Variants in PHB1 observed in about 807,000 individuals in gnomAD.
PHB1 encodes epididymis luminal protein 215.
chr17:49,411,779 A>G, the PHB1 span: 1 of 1,614,044 alleles, frequency 6.2e-7, no homozygotes, highest in Non-Finnish European at 8.5e-7. Context: ...CCCTTCCCCT[A>G]CCACAATGTC....
the PHB1 span, chr17:49,404,692 TGG>T: frequency 2.3e-6 from 1 of 431,008 alleles, no homozygotes; most frequent in Admixed American, 3.6e-5. Flanking sequence ...TGCCAAATGC[TGG>T]TGCCCAGGCC....
At chr17:49,407,999 C>T in the PHB1 span, among the ~76,000 whole-genome samples, 1 of 152,260 alleles carries the variant, frequency 6.6e-6, no homozygotes, top group African/African-American at 2.4e-5. Flanking sequence ...GATAGGGTTT[C>T]TTGTGGTCAG....
the PHB1 span, chr17:49,413,201 C>A: frequency 1.9e-6 from 3 of 1,612,634 alleles, no homozygotes; most frequent in Non-Finnish European, 2.5e-6. Context: ...GAGTTCACCA[C>A]GCCTCCTGCA....
chr17:49,405,347 G>T, the PHB1 span: 1 of 653,466 alleles, frequency 1.5e-6, no homozygotes, highest in Non-Finnish European at 2.7e-6. Flanking sequence ...GGCTAGCGGG[G>T]GAAGCGGGGG....
the PHB1 span, among the ~76,000 whole-genome samples, chr17:49,410,570 A>G: frequency 6.6e-6 from 1 of 152,214 alleles, no homozygotes; most frequent in Non-Finnish European, 1.5e-5. Flanking sequence ...GGGCAATGCT[A>G]AGAATTGTAG....
the PHB1 span, chr17:49,404,809 TGAAA>T: frequency 1.7e-6 from 1 of 603,276 alleles, no homozygotes; most frequent in Admixed American, 2.9e-5. Flanking sequence ...GTGAGAAGAA[TGAAA>T]GAGTTTCATT....
the PHB1 span, chr17:49,411,869 A>T: frequency 2.5e-6 from 4 of 1,604,762 alleles, no homozygotes; most frequent in Non-Finnish European, 3.4e-6. Context: ...ACATGTCATA[A>T]AAATCCTCTC....
the PHB1 span, chr17:49,405,163 G>A: frequency 5.9e-5 from 96 of 1,613,926 alleles, no homozygotes; most frequent in Middle Eastern, 1.6e-4. Context: ...CCTTGGAGTC[G>A]CCCTCAGCAG....
At chr17:49,410,604 T>C in the PHB1 span, among the ~76,000 whole-genome samples, 1 of 152,128 alleles carries the variant, frequency 6.6e-6, no homozygotes, top group Non-Finnish European at 1.5e-5. Flanking sequence ...CATGCTCTGG[T>C]GATTGTGGCC....
the PHB1 span, among the ~76,000 whole-genome samples, chr17:49,411,461 G>A: frequency 6.6e-6 from 1 of 152,070 alleles, no homozygotes; most frequent in South Asian, 2.1e-4. Flanking sequence ...GCCTCCCAAA[G>A]TGCTGGGATT....
At chr17:49,409,219 C>G in the PHB1 span, 10 of 1,573,978 alleles carry the variant, frequency 6.4e-6, no homozygotes, top group African/African-American at 1.4e-4. Context: ...GAAAAGGAAC[C>G]AGGAAACTAG....
At chr17:49,405,694 G>A in the PHB1 span, among the ~76,000 whole-genome samples, 1 of 152,164 alleles carries the variant, frequency 6.6e-6, no homozygotes, top group Non-Finnish European at 1.5e-5. Context: ...AGGATCACTT[G>A]AGCCCAGGAG....
the PHB1 span, chr17:49,409,200 G>A: frequency 3.8e-6 from 6 of 1,579,342 alleles, no homozygotes; most frequent in African/African-American, 2.7e-5. Context: ...TCAGGTTAAT[G>A]AGGAAGCAGA....
At chr17:49,405,022 C>T in the PHB1 span, 1 of 1,560,358 alleles carries the variant, frequency 6.4e-7, no homozygotes, top group Non-Finnish European at 8.7e-7. Flanking sequence ...GCACGGACTG[C>T]CCCGCTGGCA....
the PHB1 span, among the ~76,000 whole-genome samples, chr17:49,407,884 G>C: frequency 6.6e-6 from 1 of 152,086 alleles, no homozygotes; most frequent in South Asian, 2.1e-4. Flanking sequence ...CTGATCCTGA[G>C]ACATGAAAAA....
the PHB1 span, chr17:49,404,309 GC>G: frequency 6.5e-6 from 1 of 152,728 alleles, no homozygotes; most frequent in African/African-American, 2.4e-5. Context: ...CTCGGTCCAG[GC>G]CTCCTCTCTC....
chr17:49,412,371 G>C, the PHB1 span: 1 of 155,148 alleles, frequency 6.4e-6, no homozygotes. Context: ...GGCAATTTCT[G>C]TCTAGTTGCA....
chr17:49,409,468 G>A, the PHB1 span: 1 of 1,469,394 alleles, frequency 6.8e-7, no homozygotes, highest in Non-Finnish European at 9.2e-7. Context: ...TTGACATTCT[G>A]TAAATCTTAG....
chr17:49,411,660 A>AC, the PHB1 span: 1 of 1,611,550 alleles, frequency 6.2e-7, no homozygotes, highest in Non-Finnish European at 8.5e-7. Context: ...CTTTACCTGA[A>AC]CCATAGGCAA....
Sources: gnomAD v4.1 joint callset for allele counts (sites outside exome capture counted in the v4.1 genomes callset) on GRCh38, gnomAD v4.1.1 for gene constraint, MANE v1.5 for transcripts, NCBI Gene and HGNC (gene_info 2026-07-23, HGNC 2026-07-21) for gene names.